ANXA4: variants seen among roughly 807,000 people sequenced by gnomAD.
ANXA4 encodes the protein 35-beta calcimedin.
Under a neutral mutation model 49.8 loss-of-function variants are expected in ANXA4, and 39 were observed. That is an observed-to-expected ratio of 0.78 (90% CI 0.61 to 1.02). The LOEUF (loss-of-function observed/expected upper bound fraction) is 1.02, where lower values mean the gene tolerates loss of function less well. ANXA4 is among the 50% of genes least tolerant of loss of function. The pLI, the probability that ANXA4 is intolerant of heterozygous loss-of-function variation, is 0.00. For synonymous variants in ANXA4, 134 were observed against 152.5 expected, an observed-to-expected ratio of 0.88 and a Z score of 0.89; for missense variants, 360 against 410.1, an observed-to-expected ratio of 0.88 and a Z score of 1.05.
intron 1 of ANXA4, among the ~76,000 whole-genome samples, chr2:69,646,255 A>C (rs893779393): frequency 6.6e-6 from 1 of 152,140 alleles, no homozygotes; most frequent in Non-Finnish European, 1.5e-5. Flanking sequence ...TATAATCTCA[A>C]AACTATCACA....
At chr2:69,804,421 T>C in intron 3 of ANXA4, 112 bp from the exon 4 acceptor site, 2 of 931,186 alleles carry the variant, frequency 2.1e-6, no homozygotes, top group Non-Finnish European at 3.3e-6. Context: ...AGGGCCTCTT[T>C]TCTTAGAAAG....
intron 1 of ANXA4, among the ~76,000 whole-genome samples, chr2:69,745,858 A>G (rs1037886505): frequency 2.6e-5 from 4 of 152,026 alleles, no homozygotes; most frequent in African/African-American, 9.7e-5. Flanking sequence ...AAACACTTAT[A>G]TGAATATGTG....
At chr2:69,755,970 G>T (rs1256076607) in intron 1 of ANXA4, among the ~76,000 whole-genome samples, 1 of 152,010 alleles carries the variant, frequency 6.6e-6, no homozygotes, top group Non-Finnish European at 1.5e-5. Flanking sequence ...TATCTGTGTG[G>T]TGAAACTAGT....
At chr2:69,701,440 A>G (rs564011028) in intron 2 of ANXA4, among the ~76,000 whole-genome samples, 2 of 152,236 alleles carry the variant, frequency 1.3e-5, no homozygotes, top group East Asian at 3.9e-4. Flanking sequence ...TACTCTGGCT[A>G]CCTTGTAAAA....
chr2:69,703,704 TA>T (rs1270772701), intron 2 of ANXA4, among the ~76,000 whole-genome samples: 3 of 152,250 alleles, frequency 2.0e-5, no homozygotes, highest in African/African-American at 7.2e-5. Flanking sequence ...TCTCATGGAT[TA>T]GAAATGTCAC....
exon 1 of ANXA4, chr2:69,644,452 C>T (rs1675919773): frequency 6.6e-6 from 1 of 152,282 alleles, no homozygotes; most frequent in African/African-American, 2.4e-5. Flanking sequence ...CCTTCCGCCC[C>T]TAACCTCAAA....
chr2:69,793,025 G>A (rs913756139), intron 3 of ANXA4, among the ~76,000 whole-genome samples: 9 of 152,074 alleles, frequency 5.9e-5, no homozygotes, highest in Non-Finnish European at 2.9e-5. Context: ...AGGCCAAGGC[G>A]GGCGGATCAC....
At chr2:69,779,139 G>C (rs1354863299) in intron 1 of ANXA4, among the ~76,000 whole-genome samples, 1 of 132,356 alleles carries the variant, frequency 7.6e-6, no homozygotes, top group Non-Finnish European at 1.6e-5. Context: ...AAAAAGGAAA[G>C]AGAAGTCAGA....
chr2:69,728,260 CT>C (rs1670012490), intron 3 of ANXA4, among the ~76,000 whole-genome samples: 1 of 152,048 alleles, frequency 6.6e-6, no homozygotes, highest in Non-Finnish European at 1.5e-5. Context: ...TACTTCGTTG[CT>C]TCTCTATATG....
intron 2 of ANXA4, among the ~76,000 whole-genome samples, chr2:69,684,052 A>G (rs1050335171): frequency 2.6e-5 from 4 of 152,254 alleles, no homozygotes; most frequent in African/African-American, 9.6e-5. Context: ...GCTGCTAAAT[A>G]TACTGAATTA....
intron 1 of ANXA4, among the ~76,000 whole-genome samples, chr2:69,767,666 A>G (rs929176367): frequency 6.6e-6 from 1 of 152,206 alleles, no homozygotes; most frequent in Non-Finnish European, 1.5e-5. Context: ...CCAGCCTTGT[A>G]CTAAACATGT....
chr2:69,653,403 A>G (rs1244166718), intron 2 of ANXA4: 1 of 152,268 alleles, frequency 6.6e-6, no homozygotes, highest in Non-Finnish European at 1.5e-5. Flanking sequence ...GACAAAAATC[A>G]TTAACTGGAC....
At chr2:69,709,359 C>T (rs1678603913) in intron 2 of ANXA4, among the ~76,000 whole-genome samples, 1 of 152,230 alleles carries the variant, frequency 6.6e-6, no homozygotes. Context: ...TCCATTTCCT[C>T]TTTCCATTCC....
intron 2 of ANXA4, among the ~76,000 whole-genome samples, chr2:69,684,836 A>G (rs1038595160): frequency 6.6e-6 from 1 of 152,132 alleles, no homozygotes; most frequent in East Asian, 1.9e-4. Flanking sequence ...TCCACATGTT[A>G]TCAGTAAGGT....
At chr2:69,737,754 G>A (rs1472144113), upstream of ANXA4, among the ~76,000 whole-genome samples, 1 of 152,040 alleles carries the variant, frequency 6.6e-6, no homozygotes, top group South Asian at 2.1e-4. Context: ...TCATGTCATC[G>A]CACCCAGCTT....
At chr2:69,821,169 G>A (rs1316735249) in intron 12 of ANXA4, among the ~76,000 whole-genome samples, 1 of 152,158 alleles carries the variant, frequency 6.6e-6, no homozygotes, top group Non-Finnish European at 1.5e-5. Flanking sequence ...AGGTCTGCTG[G>A]GAATATGGGA....
intron 1 of ANXA4, among the ~76,000 whole-genome samples, chr2:69,742,807 C>G (rs1196645594): frequency 6.6e-6 from 1 of 152,072 alleles, no homozygotes; most frequent in Non-Finnish European, 1.5e-5. Context: ...AGAAGTGACC[C>G]CCGGGGCAAT....
At chr2:69,692,438 C>A (rs1051223627) in intron 2 of ANXA4, among the ~76,000 whole-genome samples, 1 of 152,200 alleles carries the variant, frequency 6.6e-6, no homozygotes, top group South Asian at 2.1e-4. Context: ...TCATTTCATC[C>A]TAATGAACGC....
intron 1 of ANXA4, among the ~76,000 whole-genome samples, chr2:69,768,435 G>A (rs10179152): frequency 3.9e-5 from 6 of 152,140 alleles, no homozygotes; most frequent in East Asian, 3.8e-4. Flanking sequence ...GAGAAAGGTC[G>A]TAAAGTCTTT....
Sources: gnomAD v4.1 joint callset for allele counts (sites outside exome capture counted in the v4.1 genomes callset) on GRCh38, gnomAD v4.1.1 for gene constraint, MANE v1.5 for transcripts, NCBI Gene and HGNC (gene_info 2026-07-23, HGNC 2026-07-21) for gene names.